The following TLN2 variants were observed in gnomAD, a reference collection of about 807,000 sequenced individuals.
The protein encoded by TLN2 is talin-2.
Under a neutral mutation model 294.7 loss-of-function variants are expected in TLN2, and 118 were observed. That is an observed-to-expected ratio of 0.40 (90% confidence interval 0.34 to 0.47). The LOEUF is 0.47. TLN2 is among the 20% of genes least tolerant of loss of function. The pLI, the probability that TLN2 is intolerant of heterozygous loss-of-function variation, is 0.84. For synonymous variants in TLN2, 1,431 were observed against 1,304.5 expected (o/e 1.10, Z -2.09); for missense variants, 3,083 against 3,282.2 (o/e 0.94, Z 1.48).
chr15:62,743,603 G>A (rs1421551531), intron 32 of TLN2, among the ~76,000 whole-genome samples: 2 of 151,996 alleles, frequency 1.3e-5, no homozygotes, highest in Non-Finnish European at 2.9e-5. Context: ...TGACAAGTTG[G>A]GTGGAGCTGG....
At chr15:62,474,203 T>C (rs1415686797) in intron 1 of TLN2, among the ~76,000 whole-genome samples, 1 of 152,246 alleles carries the variant, frequency 6.6e-6, no homozygotes, top group Non-Finnish European at 1.5e-5. Flanking sequence ...AAACCTGAGG[T>C]TCAGAAAAGA....
chr15:62,767,892 C>T (rs2063113760), intron 41 of TLN2, among the ~76,000 whole-genome samples: 1 of 152,220 alleles, frequency 6.6e-6, no homozygotes. Context: ...GCGGATACTT[C>T]ATTAGTATAC....
At position 62,698,626 on chromosome 15, in the gene TLN2, C is replaced by T. The variant is rs370523642; in HGVS notation, c.1474-128C>T. ...AGGTTGAAATGGGAGATGGTTGAGG[C>T]GCTTGTTGAGATGTAGCCTGGGCTG... On this transcript the variant is annotated intron_variant, in intron 15 of 58. Coordinates refer to ENST00000636159, the MANE Select transcript of TLN2 (RefSeq NM_015059.3). The T allele has an allele frequency of 4.6e-3, 3,111 of 669,104 alleles. 109 individuals are homozygous for T. The South Asian group carries it at 0.053, about 11-fold the overall frequency. The allele number at this position is 669,104 out of a possible 1,614,324, so 41.4% of individuals were successfully genotyped here.
chr15:62,651,871 A>C, intron 5 of TLN2, 134 bp from the exon 6 acceptor site: 1 of 1,103,386 alleles, frequency 9.1e-7, no homozygotes, highest in Non-Finnish European at 1.2e-6. Context: ...AAGGTTTTCA[A>C]AGATGTTTTA....
chr15:62,687,514 C>T (rs1188638869), intron 12 of TLN2, among the ~76,000 whole-genome samples: 2 of 152,224 alleles, frequency 1.3e-5, no homozygotes, highest in African/African-American at 2.4e-5. Context: ...TTGTTGTTAG[C>T]AGAGTATAAC....
rs542107965 is a variant in TLN2 at position 62,646,849 on chromosome 15, T to C, written c.-36-426T>C. On this transcript the variant is annotated intron_variant, in intron 3 of 58. Transcript: ENST00000636159. ...CTGATTCTTCTCTGTCCCCAGGTGCTGAGAGGACCCAGGGAACTGAGGCTG... is the reference window on the plus strand; with the variant it reads ...CTGATTCTTCTCTGTCCCCAGGTGCCGAGAGGACCCAGGGAACTGAGGCTG... Among the ~76,000 whole-genome samples, 3 of 152,312 alleles carry C rather than the reference T, an allele frequency of 2.0e-5. No homozygotes were observed. In the South Asian group the frequency reaches 6.2e-4, roughly 32 times the overall value.
chr15:62,602,885 T>G (rs533332069), intron 2 of TLN2, among the ~76,000 whole-genome samples: 12 of 150,726 alleles, frequency 8.0e-5, no homozygotes, highest in African/African-American at 2.7e-4. Flanking sequence ...TTTTTTTAAA[T>G]TTTTATTTTT....
intron 38 of TLN2, 49 bp from the exon 39 acceptor site, chr15:62,762,223 C>G: frequency 1.2e-6 from 2 of 1,602,608 alleles, no homozygotes; most frequent in Non-Finnish European, 1.7e-6. Flanking sequence ...CCACGTCATT[C>G]ACTCATGTCT....
intron 1 of TLN2, among the ~76,000 whole-genome samples, chr15:62,558,751 G>C (rs1415459294): frequency 1.3e-5 from 2 of 152,014 alleles, no homozygotes; most frequent in East Asian, 3.9e-4. Context: ...CAGCAGGTTG[G>C]GGGAAGATAA....
chr15:62,402,904 A>G (rs1331606690), intron 1 of TLN2, among the ~76,000 whole-genome samples: 1 of 152,164 alleles, frequency 6.6e-6, no homozygotes, highest in African/African-American at 2.4e-5. Context: ...ACTCTGATGG[A>G]TAGTCCCCAT....
chr15:62,732,817 A>G (rs1263203476), intron 28 of TLN2, among the ~76,000 whole-genome samples: 1 of 152,208 alleles, frequency 6.6e-6, no homozygotes, highest in African/African-American at 2.4e-5. Flanking sequence ...TAGCTGAGTG[A>G]AGAGTTGTAT....
intron 1 of TLN2, among the ~76,000 whole-genome samples, chr15:62,579,653 C>G (rs778687194): frequency 1.3e-5 from 2 of 152,044 alleles, no homozygotes; most frequent in Admixed American, 6.6e-5. Flanking sequence ...GAACGTGTCC[C>G]CTGAAGAGGA....
intron 1 of TLN2, among the ~76,000 whole-genome samples, chr15:62,416,593 A>C (rs1203002016): frequency 6.6e-6 from 1 of 152,220 alleles, no homozygotes; most frequent in Non-Finnish European, 1.5e-5. Flanking sequence ...GTCAGGTGAC[A>C]GCTGAAGTTA....
At chr15:62,437,429 G>C (rs1425457031) in intron 1 of TLN2, among the ~76,000 whole-genome samples, 2 of 150,992 alleles carry the variant, frequency 1.3e-5, no homozygotes, top group East Asian at 1.9e-4. Context: ...TTTTTTTGTA[G>C]TCACAGGATC....
At chr15:62,788,167 CG>C (rs1164808619) in intron 45 of TLN2, among the ~76,000 whole-genome samples, 1 of 151,450 alleles carries the variant, frequency 6.6e-6, no homozygotes, top group African/African-American at 2.4e-5. Context: ...AAAAATTAGC[CG>C]GGCATGGTGG....
At chr15:62,562,229 T>A (rs2043026967) in intron 1 of TLN2, among the ~76,000 whole-genome samples, 1 of 152,224 alleles carries the variant, frequency 6.6e-6, no homozygotes, top group South Asian at 2.1e-4. Context: ...TTAAAGATTT[T>A]TTATACCATT....
At chr15:62,681,288 A>T (rs2056804558) in intron 11 of TLN2, among the ~76,000 whole-genome samples, 1 of 152,244 alleles carries the variant, frequency 6.6e-6, no homozygotes, top group Non-Finnish European at 1.5e-5. Flanking sequence ...ATAATTTAGG[A>T]AGTAAATTAA....
chr15:62,666,887 C>T (rs1351970217), intron 9 of TLN2, among the ~76,000 whole-genome samples: 4 of 152,224 alleles, frequency 2.6e-5, no homozygotes, highest in African/African-American at 9.6e-5. Flanking sequence ...ATCTAAAGGG[C>T]TTGTTACAAG....
chr15:62,469,613 A>G (rs1467329222), intron 1 of TLN2, among the ~76,000 whole-genome samples: 4 of 152,292 alleles, frequency 2.6e-5, no homozygotes, highest in Admixed American at 6.5e-5. Context: ...GTGCAAAGAA[A>G]AACTCTCCTC....
Sources: allele counts gnomAD v4.1 joint callset (sites outside exome capture counted in the v4.1 genomes callset), GRCh38; gene constraint gnomAD v4.1.1; transcripts MANE v1.5; gene names NCBI Gene and HGNC (gene_info 2026-07-23, HGNC 2026-07-21).